Variants in LRP12 observed in about 807,000 individuals in gnomAD.
LRP12 encodes low-density lipoprotein receptor-related protein 12.
LRP12 carries 14 observed loss-of-function variants against 66.0 expected under a neutral mutation model. The ratio of observed to expected loss-of-function variants is 0.21; its 90% confidence interval spans 0.14 to 0.33. The LOEUF (loss-of-function observed/expected upper bound fraction) is 0.33. Ranked by LOEUF, LRP12 falls within the 10% of genes least tolerant of loss-of-function variation. LRP12 has a pLI of 1.00. For synonymous variants in LRP12, 357 were observed against 359.1 expected (o/e 0.99, Z 0.07); for missense variants, 889 against 1,053.4 (o/e 0.84, Z 2.16).
intron 1 of LRP12, among the ~76,000 whole-genome samples, chr8:104,572,396 G>A (rs966009250): frequency 6.6e-6 from 1 of 152,032 alleles, no homozygotes; most frequent in African/African-American, 2.4e-5. Context: ...AAGAGAGTCA[G>A]TTTTACTGTA....
At chr8:104,523,595 G>T (rs1811181855) in intron 2 of LRP12, among the ~76,000 whole-genome samples, 3 of 152,140 alleles carry the variant, frequency 2.0e-5, no homozygotes, top group African/African-American at 7.2e-5. Flanking sequence ...CCAGTAAATT[G>T]TGTGTCACAG....
At chr8:104,546,220 G>C (rs1205609393) in intron 1 of LRP12, among the ~76,000 whole-genome samples, 2 of 151,990 alleles carry the variant, frequency 1.3e-5, no homozygotes, top group Admixed American at 6.6e-5. Flanking sequence ...ACAGAAAAGG[G>C]AAAGGCAGTT....
At chr8:104,572,788 T>C (rs1812102756) in intron 1 of LRP12, among the ~76,000 whole-genome samples, 1 of 152,186 alleles carries the variant, frequency 6.6e-6, no homozygotes, top group South Asian at 2.1e-4. Flanking sequence ...ATTAGAGTTA[T>C]TTCCCCAAAG....
intron 1 of LRP12, among the ~76,000 whole-genome samples, chr8:104,582,310 C>G (rs1403923595): frequency 2.6e-5 from 4 of 152,040 alleles, no homozygotes; most frequent in Non-Finnish European, 5.9e-5. Flanking sequence ...CTAGAAAACT[C>G]TTTTGTCAGT....
intron 1 of LRP12, among the ~76,000 whole-genome samples, chr8:104,561,107 A>G (rs2140887290): frequency 6.6e-6 from 1 of 152,302 alleles, no homozygotes; most frequent in Admixed American, 6.5e-5. Flanking sequence ...GCTACAGACA[A>G]TATGTAAATT....
intron 1 of LRP12, among the ~76,000 whole-genome samples, chr8:104,577,891 A>G (rs1168484378): frequency 6.6e-6 from 1 of 152,038 alleles, no homozygotes; most frequent in African/African-American, 2.4e-5. Context: ...TCTGGGACAC[A>G]GCTAAGGCAG....
chr8:104,535,085 A>C lies in LRP12; in HGVS notation c.80-3122T>G, dbSNP rs183687287. ...TTTAACTACACATTAGCAGCTAATT[A>C]TGTAATGAACCAGTTAAGTAGATAA... On this transcript the variant is annotated intron_variant, in intron 1 of 6. Transcript: ENST00000276654. Among the ~76,000 whole-genome samples, 3 of 152,024 alleles carry C rather than the reference A, an allele frequency of 2.0e-5. No homozygotes were observed. In the East Asian group the frequency reaches 5.8e-4, roughly 29 times the overall value.
rs996529625 is a variant in LRP12, at chr8:104,510,500, G to A, written c.137-1426C>T. Among the ~76,000 whole-genome samples the A allele has an allele frequency of 1.4e-4, 21 of 152,128 alleles. No homozygotes were observed. In the East Asian group the frequency reaches 1.9e-3, roughly 14 times the overall value. ...TATTCTTGCACTATCTGGAACTCTC[G>A]TTGCAATATAGTTAACATTATCCAG... On this transcript the variant is annotated intron_variant, in intron 2 of 6. Coordinates refer to ENST00000276654, the MANE Select transcript of LRP12 (RefSeq NM_013437.5).
intron 2 of LRP12, among the ~76,000 whole-genome samples, chr8:104,528,274 C>T (rs1811271841): frequency 6.6e-6 from 1 of 152,136 alleles, no homozygotes; most frequent in Admixed American, 6.5e-5. Context: ...AAATAGATGG[C>T]AGCACAGAAT....
intron 6 of LRP12, among the ~76,000 whole-genome samples, chr8:104,492,308 T>C (rs562119420): frequency 1.3e-5 from 2 of 152,294 alleles, no homozygotes; most frequent in African/African-American, 2.4e-5. Context: ...ACATGAAAGG[T>C]TGTCCAACTG....
At chr8:104,575,716 C>T (rs1812154533) in intron 1 of LRP12, among the ~76,000 whole-genome samples, 1 of 152,050 alleles carries the variant, frequency 6.6e-6, no homozygotes, top group South Asian at 2.1e-4. Context: ...GCCAGAGTGC[C>T]TTTTTCCCTC....
At chr8:104,533,568 TCTTCTA>T (rs1347647126) in intron 1 of LRP12, among the ~76,000 whole-genome samples, 7 of 152,152 alleles carry the variant, frequency 4.6e-5, no homozygotes, top group African/African-American at 1.7e-4. Flanking sequence ...TGGGCTTAAA[TCTTCTA>T]CTTCTATATT....
At chr8:104,519,660 T>C (rs1811119186) in intron 2 of LRP12, among the ~76,000 whole-genome samples, 1 of 151,990 alleles carries the variant, frequency 6.6e-6, no homozygotes, top group African/African-American at 2.4e-5. Flanking sequence ...GTTTTAACTA[T>C]GACTTGAAAG....
chr8:104,560,563 T>C (rs762800562), intron 1 of LRP12, among the ~76,000 whole-genome samples: 8 of 152,198 alleles, frequency 5.3e-5, no homozygotes, highest in Non-Finnish European at 1.2e-4. Context: ...CATCAAAGAA[T>C]CTTGAGATCA....
chr8:104,568,586 G>C (rs534501079), intron 1 of LRP12, among the ~76,000 whole-genome samples: 1 of 152,082 alleles, frequency 6.6e-6, no homozygotes, highest in Non-Finnish European at 1.5e-5. Context: ...AACAAAGACA[G>C]ATACTCTAAC....
chr8:104,532,067 T>C (rs539692540), intron 1 of LRP12, 104 bp from the exon 2 acceptor site: 7 of 642,114 alleles, frequency 1.1e-5, no homozygotes, highest in South Asian at 2.2e-5. Context: ...TTCCTTTTAA[T>C]ACAGAGAAGC....
chr8:104,510,820 G>A (rs1217130381), intron 2 of LRP12, among the ~76,000 whole-genome samples: 1 of 151,792 alleles, frequency 6.6e-6, no homozygotes, highest in Non-Finnish European at 1.5e-5. Context: ...TCTCTCAAAA[G>A]GTAAGACTGT....
rs530405960 is a variant in LRP12, at chr8:104,532,175, T to C, written c.80-212A>G. On this transcript the variant is annotated intron_variant, in intron 1 of 6. Transcript: ENST00000276654. ...CATTTTGGAAATCTCAACAAGGTAG[T>C]GTTATATATAAAGGTCAAATAGATA... Among the ~76,000 whole-genome samples, 13 of 152,022 alleles carry C rather than the reference T, an allele frequency of 8.6e-5. 1 individual carries two copies. The South Asian group carries it at 2.7e-3, about 32-fold the overall frequency.
At position 104,490,897 on chromosome 8, in the gene LRP12, A is replaced by C; in HGVS notation, c.2356T>G (p.Phe786Val). The C allele has an allele frequency of 6.2e-7, 1 of 1,614,162 alleles. No individual in the cohort carries two copies. The highest frequency in any genetic ancestry group is 8.5e-7 in the Non-Finnish European group (1 of 1,180,006). The stretch of plus-strand genomic sequence containing the variant: ...GGTCTGGAGCAGTCATTCACATCAA[A>C]GTCTGAAGATCCATCAGAAATTGGA... ...LIPISDGSSDFDVNDCSRPLL... is the reference protein window; with the variant it reads ...LIPISDGSSDVDVNDCSRPLL... The change falls in exon 7 of 7, where the codon TTT (phenylalanine) becomes GTT (valine). Residue 786 changes from phenylalanine to valine, a missense_variant. By Grantham distance (50) the Phe-to-Val change is conservative (BLOSUM62 -1). Coordinates refer to ENST00000276654, the MANE Select transcript of LRP12 (RefSeq NM_013437.5).
Sources: gnomAD v4.1 joint callset for allele counts (sites outside exome capture counted in the v4.1 genomes callset) on GRCh38, gnomAD v4.1.1 for gene constraint, MANE v1.5 for transcripts, NCBI Gene and HGNC (gene_info 2026-07-23, HGNC 2026-07-21) for gene names.